COMMD10: variants seen among roughly 807,000 people sequenced by gnomAD.
COMMD10 encodes COMM domain containing 10, also known as COMM domain-containing protein 10.
COMMD10 carries 33 observed loss-of-function variants against 28.9 expected under a neutral mutation model. The ratio of observed to expected loss-of-function variants is 1.14; its 90% CI spans 0.87 to 1.53. COMMD10 has a LOEUF of 1.53. Among genes scored for constraint, COMMD10 ranks in the 40% most tolerant of loss-of-function variants. The probability of loss-of-function intolerance (pLI) is 0.00; values close to 1 mark genes in which losing one functional copy is unlikely to be tolerated. For synonymous variants in COMMD10, 110 were observed against 81.7 expected, an observed-to-expected ratio of 1.35 and a Z score of -1.87; for missense variants, 310 against 233.4, an observed-to-expected ratio of 1.33 and a Z score of -2.14.
intron 5 of COMMD10, among the ~76,000 whole-genome samples, chr5:116,180,856 G>T (rs115553107): frequency 0.01 from 1,549 of 152,178 alleles, 33 homozygotes; most frequent in African/African-American, 0.035. Context: ...AGAAAATGAT[G>T]AAATGCTTAT....
intron 5 of COMMD10, among the ~76,000 whole-genome samples, chr5:116,144,759 T>C (rs755077135): frequency 2.6e-5 from 4 of 151,854 alleles, no homozygotes; most frequent in East Asian, 1.9e-4. Context: ...AGAAACCTAA[T>C]TGGGATAAAC....
intron 5 of COMMD10, among the ~76,000 whole-genome samples, chr5:116,222,803 T>A (rs1243334248): frequency 6.6e-6 from 1 of 152,150 alleles, no homozygotes; most frequent in Non-Finnish European, 1.5e-5. Context: ...GCGATTCTCC[T>A]GCCTCAGCCT....
chr5:116,236,973 AAGT>A (rs1749681236), intron 5 of COMMD10, among the ~76,000 whole-genome samples: 1 of 152,092 alleles, frequency 6.6e-6, no homozygotes, highest in Non-Finnish European at 1.5e-5. Context: ...TTTTTTTAAA[AAGT>A]AGAGCAGAGT....
At chr5:116,118,959 A>G (rs980093546) in intron 4 of COMMD10, among the ~76,000 whole-genome samples, 7 of 152,226 alleles carry the variant, frequency 4.6e-5, no homozygotes, top group Non-Finnish European at 1.5e-5. Flanking sequence ...CACTCTTATT[A>G]TGTCACAGTA....
At chr5:116,221,211 G>A (rs987889766) in intron 5 of COMMD10, among the ~76,000 whole-genome samples, 2 of 151,546 alleles carry the variant, frequency 1.3e-5, no homozygotes, top group African/African-American at 4.9e-5. Context: ...AAATGCACTC[G>A]GTATCTTCAT....
At chr5:116,291,414 T>A in intron 5 of COMMD10, 103 bp from the exon 6 acceptor site, 1 of 802,670 alleles carries the variant, frequency 1.2e-6, no homozygotes, top group Non-Finnish European at 2.1e-6. Context: ...TTAAAACCAC[T>A]CAGAGGACAA....
chr5:116,089,141 A>G (rs760120158), intron 2 of COMMD10, among the ~76,000 whole-genome samples: 13 of 152,220 alleles, frequency 8.5e-5, no homozygotes, highest in Non-Finnish European at 1.8e-4. Flanking sequence ...ATAAAGTTAC[A>G]TTGGCTTGTT....
At chr5:116,217,977 A>G (rs531403261) in intron 5 of COMMD10, 2 of 846,502 alleles carry the variant, frequency 2.4e-6, no homozygotes, top group East Asian at 4.8e-5. Context: ...AGTATTTCAA[A>G]CTGTTCAGTC....
chr5:116,290,432 G>C (rs563113507), intron 5 of COMMD10, among the ~76,000 whole-genome samples: 43 of 151,818 alleles, frequency 2.8e-4, no homozygotes, highest in Admixed American at 4.6e-4. Flanking sequence ...TGTACACTTA[G>C]CTTCATGAAG....
At chr5:116,116,751 GC>G (rs377054991) in intron 4 of COMMD10, among the ~76,000 whole-genome samples, 1,469 of 136,702 alleles carry the variant, frequency 0.011, 5 homozygotes, top group Middle Eastern at 0.018. Flanking sequence ...TCGCTCTGTC[GC>G]CCAGGCCGGA....
At chr5:116,159,323 T>A (rs938933384) in intron 5 of COMMD10, among the ~76,000 whole-genome samples, 4 of 152,224 alleles carry the variant, frequency 2.6e-5, no homozygotes, top group Admixed American at 6.5e-5. Context: ...AAAATGCTCT[T>A]GCCTCATGGC....
At chr5:116,109,492 G>C (rs921474888) in intron 4 of COMMD10, among the ~76,000 whole-genome samples, 7 of 152,202 alleles carry the variant, frequency 4.6e-5, no homozygotes, top group Admixed American at 4.6e-4. Flanking sequence ...TACTTGGGAG[G>C]CTGAGGCCTG....
At chr5:116,092,338 C>A (rs1369944938) in intron 3 of COMMD10, among the ~76,000 whole-genome samples, 1 of 152,088 alleles carries the variant, frequency 6.6e-6, no homozygotes, top group Non-Finnish European at 1.5e-5. Flanking sequence ...AAAAATTCAT[C>A]TTGAATAATT....
chr5:116,258,325 G>C (rs1036695606), intron 5 of COMMD10, among the ~76,000 whole-genome samples: 12 of 151,566 alleles, frequency 7.9e-5, no homozygotes, highest in Non-Finnish European at 2.9e-5. Flanking sequence ...ATCCTAGAAT[G>C]CTTTTGTATT....
chr5:116,290,572 C>G (rs1464341328), intron 5 of COMMD10, among the ~76,000 whole-genome samples: 1 of 151,752 alleles, frequency 6.6e-6, no homozygotes, highest in Non-Finnish European at 1.5e-5. Flanking sequence ...AACATAGAAA[C>G]TGCGAACTAG....
chr5:116,126,813 A>G (rs748230806), intron 4 of COMMD10, among the ~76,000 whole-genome samples: 21 of 152,232 alleles, frequency 1.4e-4, no homozygotes, highest in Non-Finnish European at 2.4e-4. Context: ...ACCTAAAACC[A>G]TAAAAACCCT....
intron 4 of COMMD10, among the ~76,000 whole-genome samples, chr5:116,125,904 C>T (rs1386737994): frequency 6.6e-6 from 1 of 152,096 alleles, no homozygotes; most frequent in Non-Finnish European, 1.5e-5. Context: ...TCCTGTTCAG[C>T]ATAGTGTTGG....
chr5:116,195,616 C>T (rs1225601176), intron 5 of COMMD10, among the ~76,000 whole-genome samples: 1 of 151,920 alleles, frequency 6.6e-6, no homozygotes, highest in Non-Finnish European at 1.5e-5. Flanking sequence ...GAGTCAAAGA[C>T]CTCTACAAGA....
intron 5 of COMMD10, among the ~76,000 whole-genome samples, chr5:116,138,460 C>T (rs1360989909): frequency 6.6e-6 from 1 of 151,736 alleles, no homozygotes; most frequent in African/African-American, 2.4e-5. Context: ...TTGACTGACA[C>T]CAACACTTTA....
Sources: allele counts gnomAD v4.1 joint callset (sites outside exome capture counted in the v4.1 genomes callset), GRCh38; gene constraint gnomAD v4.1.1; transcripts MANE v1.5; gene names NCBI Gene and HGNC (gene_info 2026-07-23, HGNC 2026-07-21).